ERCC3: variants seen among roughly 807,000 people sequenced by gnomAD.
ERCC3 encodes general transcription and DNA repair factor IIH helicase/translocase subunit XPB.
A neutral mutation model predicts 94.2 loss-of-function variants in ERCC3; 66 were observed. The ratio of observed to expected loss-of-function variants is 0.70; its 90% CI spans 0.57 to 0.86. ERCC3 has a LOEUF of 0.86. Ranked by LOEUF, ERCC3 falls within the 40% of genes least tolerant of loss-of-function variation. ERCC3 has a pLI of 0.00. For missense variants in ERCC3, 829 were observed against 987.1 expected (o/e 0.84, Z 2.15); for synonymous variants, 349 against 369.1 (o/e 0.95, Z 0.63).
Position 127,294,089 on chromosome 2 carries a change from A to T in ERCC3, c.-8T>A. On this transcript the variant is annotated 5_prime_UTR_variant, in exon 1 of 15. It removes the in-frame stop codon of an upstream open reading frame in the 5' UTR. Coordinates refer to ENST00000285398, the MANE Select transcript of ERCC3 (RefSeq NM_000122.2). ...TCGGTCTCTTTTGCCCATGGCAGCT[A>T]CAGCAGCAGAGAGAAGATGACCCCG... 2.5e-6 allele frequency: 4 copies of T among 1,607,448 alleles called. No individual in the cohort carries two copies. The highest frequency in any genetic ancestry group is 1.1e-5 in the South Asian group (1 of 90,984).
intron 2 of ERCC3, 50 bp downstream of exon 2, chr2:127,293,463 C>A: frequency 6.5e-7 from 1 of 1,546,686 alleles, no homozygotes; most frequent in African/African-American, 1.4e-5. Flanking sequence ...CAAGATTTAG[C>A]TGCCGCTCCG....
chr2:127,269,853 C>T (rs1453288743), intron 12 of ERCC3, among the ~76,000 whole-genome samples: 2 of 151,748 alleles, frequency 1.3e-5, no homozygotes, highest in Non-Finnish European at 2.9e-5. Flanking sequence ...CCCGTCTTTA[C>T]TAAAAATACA....
chr2:127,269,892 C>T (rs764975482), intron 12 of ERCC3, among the ~76,000 whole-genome samples: 10 of 151,960 alleles, frequency 6.6e-5, no homozygotes, highest in Non-Finnish European at 8.8e-5. Context: ...TGGTGGTGCA[C>T]GCCTGTAGTC....
At chr2:127,278,710 G>A (rs764612589) in intron 10 of ERCC3, among the ~76,000 whole-genome samples, 1 of 152,224 alleles carries the variant, frequency 6.6e-6, no homozygotes, top group African/African-American at 2.4e-5. Context: ...GGAGCCATGG[G>A]TTGATGAGGA....
chr2:127,259,601 G>C lies in ERCC3; in HGVS notation c.2065-153C>G. 1 of 936,748 alleles carries C rather than the reference G, an allele frequency of 1.1e-6. No individual in the cohort carries two copies. Among genetic ancestry groups the C allele is most frequent in the Admixed American group, 1.8e-5 (1 of 56,000 alleles). 58.0% of individuals were successfully genotyped at this position (936,748 alleles called of 1,614,324 possible). ...TGGAGAGCTCCTCCCTAGCATTCCA[G>C]AGACCAGCATCAGGAGCCGCCTTTA... On this transcript the variant is annotated intron_variant, in intron 13 of 14. Transcript: ENST00000285398. This position sits in a 1 kb window ranked among gnomAD's most constrained non-coding sequence, Gnocchi z 4.9.
intron 7 of ERCC3, 131 bp from the exon 8 acceptor site, chr2:127,287,148 G>T: frequency 1.4e-6 from 1 of 691,280 alleles, no homozygotes. Flanking sequence ...ACATCTGAGC[G>T]ACACACACTG....
At position 127,272,502 on chromosome 2, in the gene ERCC3, G is replaced by A. The variant is rs4150489; in HGVS notation, c.1827+363C>T. ...ACCAGGAACCAGGACAAAGGCTGCC[G>A]CGACACACAGGATCTCCAACTTGTA... On this transcript the variant is annotated intron_variant, in intron 11 of 14. Coordinates refer to ENST00000285398, the MANE Select transcript of ERCC3 (RefSeq NM_000122.2). Among the ~76,000 whole-genome samples, 1,714 of 152,210 alleles carry A rather than the reference G, an allele frequency of 0.011. 75 individuals are homozygous for A. In the East Asian group the frequency reaches 0.12, roughly 11 times the overall value.
In ERCC3 at chr2:127,264,216, C is replaced by T. The variant is rs188255851; in HGVS notation, c.1946-2870G>A. 6.6e-6 allele frequency among the ~76,000 whole-genome samples: 1 copy of T among 152,194 alleles called. No homozygotes were observed. Among genetic ancestry groups the T allele is most frequent in the East Asian group, 1.9e-4 (1 of 5,200 alleles). ...CAGTGGCTCACACCTATAATCCCAG[C>T]ACTTTGGGAGGCCAAGGTGGGTGGA... is the stretch of plus-strand genomic sequence containing the variant. On this transcript the variant is annotated intron_variant, in intron 12 of 14. Coordinates refer to ENST00000285398, the MANE Select transcript of ERCC3 (RefSeq NM_000122.2). This position sits in a 1 kb window ranked among gnomAD's most constrained non-coding sequence, Gnocchi z 4.4.
chr2:127,286,477 TG>T (rs937743535), intron 8 of ERCC3, among the ~76,000 whole-genome samples: 2 of 148,472 alleles, frequency 1.3e-5, no homozygotes, highest in African/African-American at 5.0e-5. Flanking sequence ...ACCTGGGAGG[TG>T]GAAGTTGTGG....
intron 4 of ERCC3, 173 bp from the exon 5 acceptor site, chr2:127,289,997 C>A (rs1382044884): frequency 3.4e-6 from 3 of 871,654 alleles, no homozygotes; most frequent in Non-Finnish European, 3.7e-6. Flanking sequence ...AGGGTTGTGA[C>A]TTTGAGGTCA....
At chr2:127,272,007 CTTTTTTTTT>C (rs59921131) in intron 11 of ERCC3, among the ~76,000 whole-genome samples, 2 of 63,050 alleles carry the variant, frequency 3.2e-5, no homozygotes, top group African/African-American at 1.3e-4. Flanking sequence ...AATCTCATTT[CTTTTTTTTT>C]TTTTTTTTTT....
chr2:127,293,899 A>G, intron 1 of ERCC3, 155 bp downstream of exon 1: 1 of 1,525,076 alleles, frequency 6.6e-7, no homozygotes, highest in Non-Finnish European at 8.8e-7. Context: ...GCCCAGGTCC[A>G]GCATCTCTCC....
Position 127,269,196 on chromosome 2 carries a change from CTA to C in ERCC3, c.1945+2138_1945+2139del, listed in dbSNP as rs529392440. Reference sequence around the variant, plus strand: ...AAGGAAAATTGCAGATATGGGGGGACTACTGTATTAAAAAACTAGGACAGAAA... The same window carrying C: ...AAGGAAAATTGCAGATATGGGGGGACCTGTATTAAAAAACTAGGACAGAAA... On this transcript the variant is annotated intron_variant, in intron 12 of 14. Transcript: ENST00000285398. 1.2e-4 allele frequency among the ~76,000 whole-genome samples: 19 copies of C among 152,248 alleles called. No individual in the cohort carries two copies. The South Asian group carries it at 3.7e-3, about 30-fold the overall frequency.
intron 8 of ERCC3, among the ~76,000 whole-genome samples, chr2:127,282,536 T>G (rs1270876351): frequency 1.3e-5 from 2 of 152,246 alleles, no homozygotes; most frequent in African/African-American, 4.8e-5. Context: ...TTGAAAAATC[T>G]GTAAAACAGC....
In ERCC3 at chr2:127,264,166, T is replaced by C. The variant is rs1441473015; in HGVS notation, c.1946-2820A>G. On this transcript the variant is annotated intron_variant, in intron 12 of 14. Coordinates refer to ENST00000285398, the MANE Select transcript of ERCC3 (RefSeq NM_000122.2). The surrounding 1 kb of genome is among the most constrained non-coding windows in gnomAD (Gnocchi z 4.4). ...TATCATGAAGGAATGTTGAATTTTA[T>C]CAAAAGCTCTTTCTGGGCTGGGCGC... 6.6e-6 allele frequency among the ~76,000 whole-genome samples: 1 copy of C among 152,210 alleles called. No homozygotes were observed. The highest frequency in any genetic ancestry group is 1.5e-5 in the Non-Finnish European group (1 of 68,040).
intron 5 of ERCC3, 83 bp downstream of exon 5, chr2:127,289,606 T>A (rs1344259203): frequency 6.2e-7 from 1 of 1,604,740 alleles, no homozygotes; most frequent in Non-Finnish European, 8.5e-7. Context: ...TGCTAGGTTG[T>A]AAGTGCTGGG....
chr2:127,289,914 C>T (rs1375896358), intron 4 of ERCC3, 90 bp from the exon 5 acceptor site: 15 of 1,452,306 alleles, frequency 1.0e-5, no homozygotes, highest in Non-Finnish European at 1.3e-5. Flanking sequence ...TCTGGAAATA[C>T]AAGCCTCATG....
chr2:127,290,236 A>T lies in ERCC3; in HGVS notation c.509T>A (p.Leu170Ter). ...TGGAATCTCTTACCTGTTGTGCTTC[A>T]AGACCAGCTTGACTTTTCCATAGCT... ...TVSYGKVKLV[L>*]KHNRYFVESC... The change falls in exon 4 of 15, where the codon TTG becomes TAG. Residue 170 changes from leucine to a stop codon, truncating the protein, a stop_gained. Transcript: ENST00000285398. LOFTEE classifies it high-confidence loss of function. The T allele has an allele frequency of 6.2e-7, 1 of 1,614,050 alleles. No homozygotes were observed. The highest frequency in any genetic ancestry group is 2.2e-5 in the East Asian group (1 of 44,888).
Position 127,277,409 on chromosome 2 carries a change from AGGCCGGGC to A in ERCC3, c.1730+1756_1730+1763del, listed in dbSNP as rs749508589. Among the ~76,000 whole-genome samples the A allele has an allele frequency of 1.4e-4, 21 of 152,230 alleles. No individual in the cohort carries two copies. Among genetic ancestry groups the A allele is most frequent in the Non-Finnish European group, 2.6e-4 (18 of 68,026 alleles). On this transcript the variant is annotated intron_variant, in intron 10 of 14. Coordinates refer to ENST00000285398, the MANE Select transcript of ERCC3 (RefSeq NM_000122.2). This position sits in a 1 kb window ranked among gnomAD's most constrained non-coding sequence, Gnocchi z 5.1. Reference sequence around the variant, plus strand: ...AAACATTTACAAAAAAGAAAATGTAAGGCCGGGCATGGTGGCTCACACCTGTAATCCCA... The same window carrying A: ...AAACATTTACAAAAAAGAAAATGTAAATGGTGGCTCACACCTGTAATCCCA...
Sources: gnomAD v4.1 joint callset for allele counts (sites outside exome capture counted in the v4.1 genomes callset) on GRCh38, gnomAD v4.1.1 for gene constraint, Gnocchi (gnomAD v3.1) non-coding constraint, MANE v1.5 for transcripts, NCBI Gene and HGNC (gene_info 2026-07-23, HGNC 2026-07-21) for gene names.